Variants in NLRP3 observed in about 807,000 individuals in gnomAD.
NLRP3 encodes the protein NACHT, LRR and PYD domains-containing protein 3.
Under a neutral mutation model 91.3 loss-of-function variants are expected in NLRP3, and 48 were observed. The observed-to-expected ratio is 0.53, with a 90% CI of 0.42 to 0.67. The LOEUF (loss-of-function observed/expected upper bound fraction) is 0.67, where lower values mean the gene tolerates loss of function less well. NLRP3 is among the 30% of genes least tolerant of loss of function. NLRP3 has a pLI of 0.00. For missense variants in NLRP3, 982 were observed against 1,276.9 expected, an observed-to-expected ratio of 0.77 and a Z score of 3.52; for synonymous variants, 561 against 507.9, an observed-to-expected ratio of 1.10 and a Z score of -1.41.
intron 2 of NLRP3, among the ~76,000 whole-genome samples, chr1:247,420,722 A>G (rs1001145469): frequency 2.4e-4 from 33 of 140,278 alleles, no homozygotes; most frequent in African/African-American, 8.9e-4. Context: ...GTTTCAAAAA[A>G]AAATTTTTTT....
rs1165301516 is a variant in NLRP3 at position 247,436,029 on chromosome 1, C to T, written c.2552C>T (p.Thr851Ile). The T allele has an allele frequency of 1.9e-6, 3 of 1,614,026 alleles. No homozygotes were observed. The highest frequency in any genetic ancestry group is 2.5e-6 in the Non-Finnish European group (3 of 1,180,024). The change falls in exon 7 of 10, where the codon ACC (threonine) becomes ATC (isoleucine). Residue 851 changes from threonine (T) to isoleucine (I), a missense_variant. Thr to Ile is a moderately conservative substitution (Grantham distance 89). This residue lies in a region of NLRP3 where 373 missense variants were observed against 431.5 expected (regional missense o/e 0.86). Transcript: ENST00000336119. ...CCQDLASVLSTSHSLTRLYVG... is the reference protein window; with the variant it reads ...CCQDLASVLSISHSLTRLYVG... ...CAGGATCTTGCATCAGTATTGAGCA[C>T]CAGCCATTCCCTGACCAGACTCTAT... is the stretch of plus-strand genomic sequence containing the variant.
intron 7 of NLRP3, among the ~76,000 whole-genome samples, chr1:247,437,883 G>A (rs374971562): frequency 2.6e-5 from 4 of 152,218 alleles, no homozygotes; most frequent in East Asian, 1.9e-4. Context: ...TGAAGGAGCC[G>A]GAAGAGCCCT....
intron 7 of NLRP3, among the ~76,000 whole-genome samples, chr1:247,439,975 AGACT>A (rs1664088585): frequency 6.6e-6 from 1 of 152,190 alleles, no homozygotes. Flanking sequence ...TAATCAGTCG[AGACT>A]TTTATGCATT....
chr1:247,418,521 T>C lies in NLRP3; in HGVS notation c.-280T>C, dbSNP rs1338855322. ...TTTGCCATGTTGGCCAGGCTGGTCT[T>C]GAATTCCTCAGCTCAGGTGATCTGC... On this transcript the variant is annotated 5_prime_UTR_variant, in exon 2 of 10. Transcript: ENST00000336119. The C allele has an allele frequency of 9.2e-6, 4 of 432,610 alleles. No individual in the cohort carries two copies. The highest frequency in any genetic ancestry group is 1.7e-5 in the Non-Finnish European group (4 of 232,144). 26.8% of individuals were successfully genotyped at this position (432,610 alleles called of 1,614,324 possible). A position where few individuals can be genotyped will look rare whatever the true frequency, so the allele number is the denominator to read the frequency against.
At chr1:247,435,723 C>T (rs10925024) in intron 6 of NLRP3, among the ~76,000 whole-genome samples, 23,702 of 152,152 alleles carry the variant, frequency 0.16, 1,846 homozygotes, top group Middle Eastern at 0.19. Flanking sequence ...TTTTATTTTA[C>T]ACGTATTTTA....
chr1:247,436,056 T>C lies in NLRP3; in HGVS notation c.2579T>C (p.Val860Ala), dbSNP rs143591293. 4.3e-6 allele frequency: 7 copies of C among 1,614,024 alleles called. No individual in the cohort carries two copies. In the African/African-American group the frequency reaches 9.3e-5, roughly 22 times the overall value. Residue 860 changes from valine (V) to alanine (A), a missense_variant, in exon 7 of 10, where the codon GTG becomes GCG. Physicochemically the swap from Val to Ala is moderately conservative, Grantham distance 64. This residue lies in a region of NLRP3 where 373 missense variants were observed against 431.5 expected (regional missense o/e 0.86). Transcript: ENST00000336119. ...AGCCATTCCCTGACCAGACTCTATG[T>C]GGGGGAGAATGCCTTGGGAGACTCA... ...STSHSLTRLY[V>A]GENALGDSGV...
chr1:247,444,175 C>T (rs1558209847), intron 8 of NLRP3, 33 bp downstream of exon 8: 4 of 1,611,422 alleles, frequency 2.5e-6, no homozygotes, highest in Non-Finnish European at 3.4e-6. Context: ...GCAATGAGAA[C>T]ACATGGTGGC....
At chr1:247,446,931 T>A (rs1664621468) in intron 9 of NLRP3, among the ~76,000 whole-genome samples, 1 of 152,098 alleles carries the variant, frequency 6.6e-6, no homozygotes, top group Non-Finnish European at 1.5e-5. Context: ...AAGCCAATAT[T>A]CCCAGAGCTA....
Position 247,425,474 on chromosome 1 carries a change from G to A in NLRP3, c.2025G>A (p.Glu675=), listed in dbSNP as rs759801857. The change falls in exon 4 of 10, where the codon GAG becomes GAA. Residue 675 remains glutamate (E), a synonymous_variant. Coordinates refer to ENST00000336119, the MANE Select transcript of NLRP3 (RefSeq NM_001243133.2). The surrounding 1 kb of genome is among the most constrained non-coding windows in gnomAD (Gnocchi z 4.1). The stretch of plus-strand genomic sequence containing the variant: ...GCATTGAGAACTGTCATCGGGTGGA[G>A]TCACTGTCCCTGGGGTTTCTCCATA... ...SFCIENCHRV[E]SLSLGFLHNM... 9 of 1,614,218 alleles carry A rather than the reference G, an allele frequency of 5.6e-6. No individual in the cohort carries two copies. In the South Asian group the frequency reaches 7.7e-5, roughly 14 times the overall value.
intron 3 of NLRP3, 101 bp downstream of exon 3, chr1:247,423,450 T>C (rs964286976): frequency 5.4e-5 from 75 of 1,393,372 alleles, no homozygotes; most frequent in Non-Finnish European, 6.9e-5. Flanking sequence ...TATAGGTTCC[T>C]GCTCTTTGGA....
At position 247,418,691 on chromosome 1, in the gene NLRP3, ATC is replaced by A. The variant is rs1316057266; in HGVS notation, c.-105_-104del. 1.5e-6 allele frequency: 2 copies of A among 1,292,860 alleles called. No individual in the cohort carries two copies. Among genetic ancestry groups the A allele is most frequent in the Non-Finnish European group, 2.2e-6 (2 of 904,988 alleles). The allele number at this position is 1,292,860 out of a possible 1,614,324, so 80.1% of individuals were successfully genotyped here. ...GTTTGCTGAGTTTTTGATAATTTAT[ATC>A]TCTCAAAGTGGAGACTTTAAAAAAG... On this transcript the variant is annotated 5_prime_UTR_variant, in exon 2 of 10. Transcript: ENST00000336119.
At chr1:247,447,448 T>C (rs956039434) in intron 9 of NLRP3, among the ~76,000 whole-genome samples, 4 of 152,206 alleles carry the variant, frequency 2.6e-5, no homozygotes, top group Admixed American at 6.5e-5. Context: ...GGCTTCATCA[T>C]GGGAATTGTT....
In NLRP3 at chr1:247,423,941, A is replaced by G. The variant is rs267598467; in HGVS notation, c.492A>G (p.Lys164=). 4 of 1,613,892 alleles carry G rather than the reference A, an allele frequency of 2.5e-6. No individual in the cohort carries two copies. Among genetic ancestry groups the G allele is most frequent in the Non-Finnish European group, 3.4e-6 (4 of 1,179,976 alleles). The stretch of plus-strand genomic sequence containing the variant: ...TGGGTGAGAGTGTGAGCCTCAACAA[A>G]CGCTACACACGACTGCGTCTCATCA... ...ARLGESVSLN[K]RYTRLRLIKE... Residue 164 remains lysine, a synonymous_variant, in exon 4 of 10, where the codon AAA becomes AAG. Coordinates refer to ENST00000336119, the MANE Select transcript of NLRP3 (RefSeq NM_001243133.2).
intron 7 of NLRP3, among the ~76,000 whole-genome samples, chr1:247,442,166 C>CT (rs1440839311): frequency 6.6e-5 from 10 of 152,196 alleles, no homozygotes; most frequent in African/African-American, 2.2e-4. Context: ...CTTACTGTGT[C>CT]TTTTCAGTTT....
chr1:247,432,517 C>T (rs899228773), intron 5 of NLRP3, among the ~76,000 whole-genome samples: 1 of 152,162 alleles, frequency 6.6e-6, no homozygotes, highest in African/African-American at 2.4e-5. Context: ...AATCGTAGTG[C>T]CATGGAGACT....
intron 2 of NLRP3, among the ~76,000 whole-genome samples, chr1:247,421,807 T>G (rs1464294628): frequency 6.6e-6 from 1 of 152,168 alleles, no homozygotes; most frequent in African/African-American, 2.4e-5. Context: ...AGTTTGTTTG[T>G]TTGTTTCCTG....
rs146741512 is a variant in NLRP3, at chr1:247,440,032, A to G, written c.2663+3892A>G. On this transcript the variant is annotated intron_variant, in intron 7 of 9. Coordinates refer to ENST00000336119, the MANE Select transcript of NLRP3 (RefSeq NM_001243133.2). ...CCATACATGTGGCTGTGTGTTAGGT[A>G]TAGCCTATGGGTTAGGCATAGCCTG... 3.7e-3 allele frequency among the ~76,000 whole-genome samples: 562 copies of G among 152,330 alleles called. 3 individuals carry two copies. The highest frequency in any genetic ancestry group is 0.012 in the African/African-American group (500 of 41,572).
intron 2 of NLRP3, among the ~76,000 whole-genome samples, chr1:247,420,903 C>T (rs1662410893): frequency 6.6e-6 from 1 of 152,160 alleles, no homozygotes; most frequent in Non-Finnish European, 1.5e-5. Context: ...TCAGCAGTGC[C>T]TAGACCTGCC....
intron 4 of NLRP3, among the ~76,000 whole-genome samples, chr1:247,427,730 G>A (rs1281953491): frequency 1.9e-5 from 2 of 103,432 alleles, no homozygotes; most frequent in Non-Finnish European, 4.1e-5. Flanking sequence ...TCTCTAGATA[G>A]CACCTTCCTT....
Sources: allele counts gnomAD v4.1 joint callset (sites outside exome capture counted in the v4.1 genomes callset), GRCh38; gene constraint gnomAD v4.1.1; regional missense constraint gnomAD v4.1.1; non-coding constraint Gnocchi (gnomAD v3.1); transcripts MANE v1.5; gene names NCBI Gene and HGNC (gene_info 2026-07-23, HGNC 2026-07-21).